Variants in LAMA2 observed in about 807,000 individuals in gnomAD.
LAMA2 encodes the protein laminin subunit alpha-2.
LAMA2 carries 269 observed loss-of-function variants against 364.8 expected under a neutral mutation model. That is an observed-to-expected ratio of 0.74 (90% CI 0.67 to 0.82). The LOEUF (loss-of-function observed/expected upper bound fraction) is 0.82. Among genes scored for constraint, LAMA2 ranks in the 40% least tolerant of loss-of-function variants. LAMA2 has a pLI of 0.00. For missense variants in LAMA2, 3,807 were observed against 3,873.2 expected (o/e 0.98, Z 0.45); for synonymous variants, 1,379 against 1,370.6 (o/e 1.01, Z -0.14).
At chr6:129,403,990 TG>T (rs1164256097) in intron 40 of LAMA2, 31 bp downstream of exon 40, 1 of 1,612,604 alleles carries the variant, frequency 6.2e-7, no homozygotes, top group Non-Finnish European at 8.5e-7. Flanking sequence ...GTGCTGGGAA[TG>T]GAAGTCAACC....
rs9492304 is a variant in LAMA2, at chr6:129,346,258, T to C, written c.4437-3040T>C. On this transcript the variant is annotated intron_variant, in intron 30 of 64. Coordinates refer to ENST00000421865, the MANE Select transcript of LAMA2 (RefSeq NM_000426.4). The stretch of plus-strand genomic sequence containing the variant: ...TCCAAGCCCTCAACTCCATTCTATA[T>C]AATGCCAAGTTTGGCATTTCTTGCA... 4.0e-3 allele frequency among the ~76,000 whole-genome samples: 614 copies of C among 152,318 alleles called. 4 individuals carry two copies. Among genetic ancestry groups the C allele is most frequent in the African/African-American group, 0.014 (573 of 41,586 alleles).
chr6:129,496,503 C>A (rs368505608), intron 58 of LAMA2, among the ~76,000 whole-genome samples: 1 of 152,108 alleles, frequency 6.6e-6, no homozygotes, highest in Non-Finnish European at 1.5e-5. Context: ...TTAGTTATGA[C>A]TGTGTGGTCA....
rs140919632 is a variant in LAMA2 at position 129,344,364 on chromosome 6, G to T, written c.4436+1897G>T. ...CGGAAACTAATTAGATGTGAGGGGT[G>T]AGGGTCCGGGCAGAAGTTGAAGACA... On this transcript the variant is annotated intron_variant, in intron 30 of 64. Transcript: ENST00000421865. Among the ~76,000 whole-genome samples the T allele has an allele frequency of 2.1e-3, 313 of 152,300 alleles. 1 individual carries two copies. Among genetic ancestry groups the T allele is most frequent in the African/African-American group, 7.3e-3 (304 of 41,568 alleles).
At chr6:129,395,867 A>T (rs1307734509) in intron 37 of LAMA2, among the ~76,000 whole-genome samples, 1 of 152,188 alleles carries the variant, frequency 6.6e-6, no homozygotes, top group African/African-American at 2.4e-5. Flanking sequence ...AAAGAAAATG[A>T]CATTTTGGGG....
chr6:129,221,523 G>A (rs1050078756), intron 12 of LAMA2, among the ~76,000 whole-genome samples: 2 of 151,788 alleles, frequency 1.3e-5, no homozygotes, highest in Non-Finnish European at 2.9e-5. Flanking sequence ...TCAATATGTA[G>A]AATAGCAAAT....
intron 1 of LAMA2, among the ~76,000 whole-genome samples, chr6:128,925,426 G>A (rs1779026425): frequency 6.6e-6 from 1 of 152,132 alleles, no homozygotes; most frequent in African/African-American, 2.4e-5. Context: ...GACAAATGCT[G>A]TTATGATTCT....
chr6:129,151,459 G>A (rs1205929441), intron 7 of LAMA2, among the ~76,000 whole-genome samples: 2 of 152,150 alleles, frequency 1.3e-5, no homozygotes, highest in Non-Finnish European at 2.9e-5. Context: ...AAGCTATGGT[G>A]GGAGGATCTC....
At chr6:128,920,670 A>ATATATATATATATTATATATACATGTG (rs1491580562) in intron 1 of LAMA2, among the ~76,000 whole-genome samples, 4 of 148,736 alleles carry the variant, frequency 2.7e-5, no homozygotes, top group African/African-American at 5.0e-5. Flanking sequence ...CAGACATTAC[A>ATATATATATATATTATATATACATGTG]TATATATATA....
At chr6:128,916,701 A>G (rs1453373222) in intron 1 of LAMA2, among the ~76,000 whole-genome samples, 1 of 152,140 alleles carries the variant, frequency 6.6e-6, no homozygotes, top group Non-Finnish European at 1.5e-5. Context: ...ACATCCTACA[A>G]CTCTGAGAAG....
At chr6:129,212,470 G>T (rs753982669) in intron 12 of LAMA2, among the ~76,000 whole-genome samples, 2 of 152,090 alleles carry the variant, frequency 1.3e-5, no homozygotes, top group Non-Finnish European at 2.9e-5. Flanking sequence ...TATGTTGAGA[G>T]TCCATGGAAT....
intron 4 of LAMA2, among the ~76,000 whole-genome samples, chr6:129,098,649 T>C (rs1258885459): frequency 6.6e-6 from 1 of 152,194 alleles, no homozygotes; most frequent in Non-Finnish European, 1.5e-5. Context: ...ATAGGTTTAA[T>C]CTGGAAAGTC....
At chr6:128,925,032 G>T (rs1199405967) in intron 1 of LAMA2, among the ~76,000 whole-genome samples, 1 of 152,190 alleles carries the variant, frequency 6.6e-6, no homozygotes, top group Admixed American at 6.5e-5. Context: ...TGGTGAGGAT[G>T]TGAAGGAATT....
At position 129,402,638 on chromosome 6, in the gene LAMA2, T is replaced by TAGG. The variant is rs1780047243; in HGVS notation, c.5726+155_5726+157dup. 5.5e-5 allele frequency: 44 copies of TAGG among 799,438 alleles called. No homozygotes were observed. In the South Asian group the frequency reaches 6.9e-4, roughly 13 times the overall value. The allele number at this position is 799,438 out of a possible 1,614,324, so 49.5% of individuals were successfully genotyped here. A position where few individuals can be genotyped will look rare whatever the true frequency, so the allele number is the denominator to read the frequency against. On this transcript the variant is annotated intron_variant, in intron 39 of 64. Coordinates refer to ENST00000421865, the MANE Select transcript of LAMA2 (RefSeq NM_000426.4). ...TGGCCTTTCTGTGGATAGGCTTAATTAGGAGGGTCTGGGCAAAGCTTTGCT... is the reference window on the plus strand; with the variant it reads ...TGGCCTTTCTGTGGATAGGCTTAATTAGGAGGAGGGTCTGGGCAAAGCTTTGCT...
At chr6:129,173,861 TC>T (rs1204085297) in intron 9 of LAMA2, among the ~76,000 whole-genome samples, 5 of 152,190 alleles carry the variant, frequency 3.3e-5, no homozygotes, top group Admixed American at 6.5e-5. Flanking sequence ...GTATTTCTTC[TC>T]TGATTTTTCT....
At chr6:129,182,126 A>C (rs1413214038) in intron 10 of LAMA2, among the ~76,000 whole-genome samples, 2 of 151,890 alleles carry the variant, frequency 1.3e-5, no homozygotes, top group African/African-American at 4.8e-5. Flanking sequence ...AAATACTTAG[A>C]ATAGCAAGAA....
intron 1 of LAMA2, among the ~76,000 whole-genome samples, chr6:129,048,493 T>TTTCCTTCCTTCC (rs1300484688): frequency 1.8e-3 from 91 of 51,316 alleles, no homozygotes; most frequent in African/African-American, 2.2e-3. Flanking sequence ...TCTTTCTTTC[T>TTTCCTTCCTTCC]TTCCTTCCTT....
chr6:128,945,363 G>A (rs980158447), intron 1 of LAMA2, among the ~76,000 whole-genome samples: 2 of 152,094 alleles, frequency 1.3e-5, no homozygotes, highest in Non-Finnish European at 2.9e-5. Context: ...AGTTGCCATC[G>A]GACTCACCCA....
chr6:129,387,084 C>T (rs1779057175), intron 35 of LAMA2, among the ~76,000 whole-genome samples: 1 of 151,434 alleles, frequency 6.6e-6, no homozygotes, highest in African/African-American at 2.4e-5. Context: ...CTGAGCTGCA[C>T]AGTGATGTCC....
intron 17 of LAMA2, among the ~76,000 whole-genome samples, chr6:129,277,531 C>G (rs1788415156): frequency 6.6e-6 from 1 of 152,078 alleles, no homozygotes; most frequent in African/African-American, 2.4e-5. Flanking sequence ...TGTCGAGTAT[C>G]TATATTACTA....
Sources: gnomAD v4.1 joint callset for allele counts (sites outside exome capture counted in the v4.1 genomes callset) on GRCh38, gnomAD v4.1.1 for gene constraint, MANE v1.5 for transcripts, NCBI Gene and HGNC (gene_info 2026-07-23, HGNC 2026-07-21) for gene names.